The following PCDH15 variants were observed in gnomAD, a reference collection of about 807,000 sequenced individuals.
PCDH15 encodes the protein protocadherin-15.
In PCDH15, 129 loss-of-function variants were observed where a neutral mutation model predicts 178.5. The observed-to-expected ratio is 0.72, with a 90% CI of 0.63 to 0.84. The LOEUF is 0.84. Ranked by LOEUF, PCDH15 falls within the 40% of genes least tolerant of loss-of-function variation. PCDH15 has a pLI of 0.00. For missense variants in PCDH15, 2,230 were observed against 2,099.9 expected (o/e 1.06, Z -1.21); for synonymous variants, 800 against 732.0 (o/e 1.09, Z -1.50).
intron 2 of PCDH15, among the ~76,000 whole-genome samples, chr10:55,509,773 T>C (rs1840838961): frequency 6.6e-6 from 1 of 151,928 alleles, no homozygotes; most frequent in East Asian, 1.9e-4. Context: ...GAAAATTGGG[T>C]TCTAAACGTG....
intron 26 of PCDH15, among the ~76,000 whole-genome samples, chr10:53,899,583 C>G (rs373371001): frequency 9.7e-4 from 147 of 151,738 alleles, no homozygotes; most frequent in African/African-American, 3.3e-3. Context: ...TATCATGGAC[C>G]AAAAAAAATT....
intron 9 of PCDH15, among the ~76,000 whole-genome samples, chr10:54,234,359 T>C (rs1251962599): frequency 6.6e-6 from 1 of 152,162 alleles, no homozygotes; most frequent in African/African-American, 2.4e-5. Context: ...CACAACCCTT[T>C]TGTACAAAGA....
At chr10:54,186,208 G>T (rs2048462372) in intron 11 of PCDH15, among the ~76,000 whole-genome samples, 2 of 151,972 alleles carry the variant, frequency 1.3e-5, no homozygotes, top group Non-Finnish European at 2.9e-5. Context: ...GGGAGGTAAG[G>T]TGTTGTTCTA....
chr10:55,292,051 C>T (rs1843021128), intron 1 of PCDH15, among the ~76,000 whole-genome samples: 1 of 152,026 alleles, frequency 6.6e-6, no homozygotes. Flanking sequence ...CCATATTATT[C>T]CCCCCTAGCC....
chr10:55,104,165 T>C (rs1235813846), intron 2 of PCDH15, among the ~76,000 whole-genome samples: 1 of 151,958 alleles, frequency 6.6e-6, no homozygotes, highest in Non-Finnish European at 1.5e-5. Context: ...ATGTTCACTT[T>C]TCTTCTCTAG....
At chr10:54,532,374 C>T (rs2084016136) in intron 2 of PCDH15, among the ~76,000 whole-genome samples, 1 of 152,072 alleles carries the variant, frequency 6.6e-6, no homozygotes, top group Admixed American at 6.6e-5. Flanking sequence ...TTTCCATGTC[C>T]CTCTTTTCCC....
chr10:55,599,685 T>C, intron 2 of PCDH15: 1 of 336,184 alleles, frequency 3.0e-6, no homozygotes, highest in Non-Finnish European at 5.4e-6. Flanking sequence ...CTTATTATCT[T>C]TATTTTAACC....
At chr10:54,430,978 A>G (rs1956896966) in intron 3 of PCDH15, among the ~76,000 whole-genome samples, 1 of 152,174 alleles carries the variant, frequency 6.6e-6, no homozygotes, top group Non-Finnish European at 1.5e-5. Context: ...GGCTACTATG[A>G]ACAACTATAT....
intron 15 of PCDH15, among the ~76,000 whole-genome samples, chr10:54,092,704 A>G (rs16937900): frequency 0.08 from 12,147 of 152,178 alleles, 914 homozygotes; most frequent in African/African-American, 0.2. Flanking sequence ...GTTCTTTGCT[A>G]GATAGGAACC....
intron 8 of PCDH15, among the ~76,000 whole-genome samples, chr10:54,238,854 G>A (rs1030037964): frequency 6.6e-6 from 1 of 151,952 alleles, no homozygotes; most frequent in African/African-American, 2.4e-5. Flanking sequence ...ATTTCACTGA[G>A]GAATCTGATT....
intron 18 of PCDH15, among the ~76,000 whole-genome samples, chr10:54,044,756 A>G (rs1196036999): frequency 1.3e-5 from 2 of 152,162 alleles, no homozygotes; most frequent in Non-Finnish European, 2.9e-5. Context: ...CTATTGCTGG[A>G]TTTATATAAT....
rs570053072 is a variant in PCDH15, at chr10:55,463,947, AAG to A, written c.-156+163676_-156+163677del. On this transcript the variant is annotated intron_variant, in intron 2 of 5. Coordinates refer to the PCDH15 transcript ENST00000613346. Reference sequence around the variant, plus strand: ...AAAGAAAGAAAGAAAGAAAGAAAGAAAGAAAGAAAGAAAGAAAGAAAGAAAGA... The same window carrying A: ...AAAGAAAGAAAGAAAGAAAGAAAGAAAAAGAAAGAAAGAAAGAAAGAAAGA... Among the ~76,000 whole-genome samples, 110 of 31,706 alleles carry A rather than the reference AAG, an allele frequency of 3.5e-3. 22 individuals are homozygous for A. The highest frequency in any genetic ancestry group is 0.018 in the East Asian group (6 of 332). 20.8% of individuals were successfully genotyped at this position (31,706 alleles called of 152,430 possible).
At chr10:55,596,908 G>A (rs1009393508) in intron 2 of PCDH15, among the ~76,000 whole-genome samples, 1 of 152,034 alleles carries the variant, frequency 6.6e-6, no homozygotes, top group Non-Finnish European at 1.5e-5. Flanking sequence ...GGCAAAAATA[G>A]ATAAACAGGA....
At chr10:54,649,462 C>G (rs757443551) in intron 2 of PCDH15, among the ~76,000 whole-genome samples, 2 of 152,084 alleles carry the variant, frequency 1.3e-5, no homozygotes, top group Non-Finnish European at 2.9e-5. Flanking sequence ...TGCATACAAC[C>G]ACATAAAATA....
At chr10:55,619,613 T>C (rs1843547822) in intron 2 of PCDH15, among the ~76,000 whole-genome samples, 1 of 152,014 alleles carries the variant, frequency 6.6e-6, no homozygotes, top group Admixed American at 6.6e-5. Context: ...AATTAGTTAA[T>C]AAATGTAATG....
intron 3 of PCDH15, among the ~76,000 whole-genome samples, chr10:54,382,207 GT>G (rs996046975): frequency 1.2e-4 from 19 of 152,074 alleles, no homozygotes; most frequent in African/African-American, 4.6e-4. Flanking sequence ...CTCTAGGGAC[GT>G]TTTTTATAAA....
intron 11 of PCDH15, among the ~76,000 whole-genome samples, chr10:54,188,217 G>A (rs1591045395): frequency 6.6e-6 from 1 of 151,806 alleles, no homozygotes; most frequent in South Asian, 2.1e-4. Flanking sequence ...TTCCGATACA[G>A]TTTGAATTTC....
At chr10:54,374,803 T>C (rs909023787) in intron 4 of PCDH15, among the ~76,000 whole-genome samples, 1 of 152,116 alleles carries the variant, frequency 6.6e-6, no homozygotes, top group African/African-American at 2.4e-5. Flanking sequence ...TACAATCTCA[T>C]GTAAATGCTT....
At chr10:55,442,385 C>G (rs577427896) in intron 2 of PCDH15, among the ~76,000 whole-genome samples, 11 of 140,184 alleles carry the variant, frequency 7.8e-5, no homozygotes, top group Non-Finnish European at 1.5e-4. Context: ...TTTTAATTAC[C>G]AAAAAGGCAA....
Sources: allele counts gnomAD v4.1 joint callset (sites outside exome capture counted in the v4.1 genomes callset), GRCh38; gene constraint gnomAD v4.1.1; transcripts MANE v1.5; gene names NCBI Gene and HGNC (gene_info 2026-07-23, HGNC 2026-07-21).